The following SIPA1L1 variants were observed in gnomAD, a reference collection of about 807,000 sequenced individuals.
SIPA1L1 encodes the protein signal induced proliferation associated 1 like 1.
SIPA1L1 carries 26 observed loss-of-function variants against 162.7 expected under a neutral mutation model. The ratio of observed to expected loss-of-function variants is 0.16; its 90% CI spans 0.12 to 0.22. SIPA1L1 has a LOEUF of 0.22. Ranked by LOEUF, SIPA1L1 falls within the 10% of genes least tolerant of loss-of-function variation. The pLI, the probability that SIPA1L1 is intolerant of heterozygous loss-of-function variation, is 1.00. For synonymous variants in SIPA1L1, 829 were observed against 837.4 expected (o/e 0.99, Z 0.17); for missense variants, 1,874 against 2,241.0 (o/e 0.84, Z 3.31).
intron 2 of SIPA1L1, among the ~76,000 whole-genome samples, chr14:71,458,916 T>C (rs752040175): frequency 2.0e-5 from 3 of 151,936 alleles, no homozygotes; most frequent in Non-Finnish European, 4.4e-5. Context: ...GTACTAAAAA[T>C]ACAAAAATTA....
chr14:71,529,485 A>G (rs571560123), intron 4 of SIPA1L1, 115 bp downstream of exon 4: 6 of 516,376 alleles, frequency 1.2e-5, no homozygotes, highest in South Asian at 6.3e-5. Context: ...TAAAAAATCT[A>G]CTTTTCTCAA....
In SIPA1L1 at chr14:71,589,078, G is replaced by A. The variant is rs765481097; in HGVS notation, c.1206G>A (p.Gln402=). 3.7e-6 allele frequency: 6 copies of A among 1,614,026 alleles called. No homozygotes were observed. The highest frequency in any genetic ancestry group is 5.1e-6 in the Non-Finnish European group (6 of 1,180,010). ...LNSKGSLSMD[Q]GDDKSNELVM... The stretch of plus-strand genomic sequence containing the variant: ...CCAAAGGAAGCCTCAGCATGGACCA[G>A]GGAGATGATAAAAGCAATGAGCTTG... The change falls in exon 5 of 24, where the codon CAG becomes CAA. Residue 402 remains glutamine, a synonymous_variant. Coordinates refer to ENST00000381232, the MANE Select transcript of SIPA1L1 (RefSeq NM_001386936.1).
In SIPA1L1 at chr14:71,572,814, C is replaced by T. The variant is rs146483297; in HGVS notation, c.-302-14757C>T. ...AAATAAATGAAACTGTTACTAAGTT[C>T]GGGAAAAGTAAAGTAAGCAACTGAG... On this transcript the variant is annotated intron_variant, in intron 4 of 23. Transcript: ENST00000381232. 2.6e-5 allele frequency among the ~76,000 whole-genome samples: 4 copies of T among 152,160 alleles called. No individual in the cohort carries two copies. In the East Asian group the frequency reaches 5.8e-4, roughly 22 times the overall value.
At chr14:71,625,448 C>T (rs1461879253) in intron 7 of SIPA1L1, among the ~76,000 whole-genome samples, 3 of 152,138 alleles carry the variant, frequency 2.0e-5, no homozygotes, top group East Asian at 1.9e-4. Flanking sequence ...TACAGGCATG[C>T]GCCACTGCGC....
Position 71,724,656 on chromosome 14 carries a change from C to T in SIPA1L1, c.4449-14C>T, listed in dbSNP as rs1050459881. On this transcript the variant is annotated splice_polypyrimidine_tract_variant and intron_variant, in intron 18 of 23. Coordinates refer to ENST00000381232, the MANE Select transcript of SIPA1L1 (RefSeq NM_001386936.1). ...TTGAGTTGGTATCTATCATCTCTTC[C>T]CTTTTTTGTCCAGGCGTCATCAGAG... 16 of 1,606,880 alleles carry T rather than the reference C, an allele frequency of 1.0e-5. No homozygotes were observed. The highest frequency in any genetic ancestry group is 1.4e-5 in the Non-Finnish European group (16 of 1,177,596).
At chr14:71,578,798 C>T (rs551998464) in intron 4 of SIPA1L1, among the ~76,000 whole-genome samples, 5 of 152,330 alleles carry the variant, frequency 3.3e-5, no homozygotes, top group South Asian at 2.1e-4. Flanking sequence ...CTTATAAAAT[C>T]CTGACTTTGC....
chr14:71,705,187 G>T, intron 15 of SIPA1L1, 35 bp from the exon 16 acceptor site: 2 of 1,454,264 alleles, frequency 1.4e-6, no homozygotes, highest in South Asian at 2.3e-5. Flanking sequence ...TTTCTGCTTA[G>T]TGCCTGCACC....
chr14:71,657,605 TAAAA>T (rs1214896949), intron 8 of SIPA1L1, among the ~76,000 whole-genome samples: 1 of 152,030 alleles, frequency 6.6e-6, no homozygotes, highest in Admixed American at 6.5e-5. Flanking sequence ...GCTTAAGTCT[TAAAA>T]AAATTGTTAG....
At chr14:71,602,916 G>A (rs1439954063) in intron 5 of SIPA1L1, among the ~76,000 whole-genome samples, 1 of 152,216 alleles carries the variant, frequency 6.6e-6, no homozygotes, top group Non-Finnish European at 1.5e-5. Flanking sequence ...TGGAAAAATT[G>A]TCTTCCATGA....
At chr14:71,455,397 C>T (rs976583718) in intron 2 of SIPA1L1, among the ~76,000 whole-genome samples, 2 of 151,942 alleles carry the variant, frequency 1.3e-5, no homozygotes, top group African/African-American at 4.8e-5. Flanking sequence ...GGCTTATTCC[C>T]GCTGTCTGTA....
chr14:71,703,849 C>T (rs547487366), intron 15 of SIPA1L1, among the ~76,000 whole-genome samples: 18 of 152,304 alleles, frequency 1.2e-4, no homozygotes, highest in African/African-American at 4.3e-4. Context: ...TCCTAGACCC[C>T]TGTTCATTCT....
intron 2 of SIPA1L1, among the ~76,000 whole-genome samples, chr14:71,419,480 CTTTTTTT>C (rs779874892): frequency 7.0e-5 from 6 of 85,244 alleles, no homozygotes; most frequent in African/African-American, 1.4e-4. Flanking sequence ...GAGGATCTCT[CTTTTTTT>C]TTTTTTTTTT....
intron 13 of SIPA1L1, among the ~76,000 whole-genome samples, chr14:71,691,966 A>G (rs2081285988): frequency 6.6e-6 from 1 of 152,200 alleles, no homozygotes; most frequent in Admixed American, 6.5e-5. Context: ...TTTGTATTCC[A>G]AATACCAGCC....
At chr14:71,527,940 T>C (rs1255334697) in intron 3 of SIPA1L1, among the ~76,000 whole-genome samples, 5 of 152,108 alleles carry the variant, frequency 3.3e-5, no homozygotes, top group Non-Finnish European at 7.3e-5. Flanking sequence ...GCTGGAGGAG[T>C]GCAGCAGCAC....
At position 71,335,071 on chromosome 14, in the gene SIPA1L1, C is replaced by T. The variant is rs950634925; in HGVS notation, c.-465+13890C>T. On this transcript the variant is annotated intron_variant, in intron 2 of 23. Coordinates refer to ENST00000381232, the MANE Select transcript of SIPA1L1 (RefSeq NM_001386936.1). ...TCCCAAGCGCTTTGGGAGGCTGAGG[C>T]GGGCGGATCACGAGCTCAGGAGATC... Among the ~76,000 whole-genome samples, 36 of 152,186 alleles carry T rather than the reference C, an allele frequency of 2.4e-4. 1 individual carries two copies. In the East Asian group the frequency reaches 3.5e-3, roughly 15 times the overall value.
chr14:71,343,495 T>C (rs541132491), intron 2 of SIPA1L1, among the ~76,000 whole-genome samples: 1 of 152,266 alleles, frequency 6.6e-6, no homozygotes, highest in Admixed American at 6.5e-5. Context: ...ATTTTCCTCT[T>C]TGTATTATGG....
At chr14:71,341,494 AT>A (rs1297739072) in intron 2 of SIPA1L1, among the ~76,000 whole-genome samples, 3 of 152,018 alleles carry the variant, frequency 2.0e-5, no homozygotes, top group African/African-American at 7.3e-5. Flanking sequence ...AAATATACAG[AT>A]TTTTTTCTCC....
At chr14:71,451,101 A>G (rs978978654) in intron 2 of SIPA1L1, among the ~76,000 whole-genome samples, 3 of 152,208 alleles carry the variant, frequency 2.0e-5, no homozygotes, top group African/African-American at 4.8e-5. Context: ...TTCATTTACA[A>G]TAACATGGAT....
chr14:71,446,057 C>T (rs1050878063), intron 2 of SIPA1L1, among the ~76,000 whole-genome samples: 1 of 152,124 alleles, frequency 6.6e-6, no homozygotes, highest in African/African-American at 2.4e-5. Context: ...CTGTGTTGCC[C>T]AGGCTGATCT....
Sources: allele counts gnomAD v4.1 joint callset (sites outside exome capture counted in the v4.1 genomes callset), GRCh38; gene constraint gnomAD v4.1.1; transcripts MANE v1.5; gene names NCBI Gene and HGNC (gene_info 2026-07-23, HGNC 2026-07-21).